The following COL4A1 variants were observed in gnomAD, a reference collection of about 807,000 sequenced individuals.
COL4A1 encodes collagen alpha-1(IV) chain.
A neutral mutation model predicts 216.6 loss-of-function variants in COL4A1; 40 were observed. The ratio of observed to expected loss-of-function variants is 0.18; its 90% CI spans 0.14 to 0.24. COL4A1 has a LOEUF of 0.24. Among genes scored for constraint, COL4A1 ranks in the 10% least tolerant of loss-of-function variants. COL4A1 has a pLI of 1.00. For missense variants in COL4A1, 1,628 were observed against 2,196.8 expected (o/e 0.74, Z 5.18); for synonymous variants, 839 against 810.7 (o/e 1.03, Z -0.59).
At chr13:110,196,074 A>C (rs1479043019) in intron 21 of COL4A1, among the ~76,000 whole-genome samples, 1 of 152,264 alleles carries the variant, frequency 6.6e-6, no homozygotes, top group Non-Finnish European at 1.5e-5. Flanking sequence ...AGAATGCCTA[A>C]AAAGATCCCA....
intron 50 of COL4A1, among the ~76,000 whole-genome samples, chr13:110,154,041 T>C (rs1213831277): frequency 2.0e-5 from 3 of 152,270 alleles, no homozygotes; most frequent in Non-Finnish European, 2.9e-5. Flanking sequence ...TTTTCTACAA[T>C]TGGAATAATT....
At chr13:110,203,948 A>C (rs1879367556) in intron 17 of COL4A1, among the ~76,000 whole-genome samples, 1 of 152,254 alleles carries the variant, frequency 6.6e-6, no homozygotes, top group African/African-American at 2.4e-5. Context: ...AGGGTTTTTC[A>C]ATTTTAAAAA....
chr13:110,154,883 T>G (rs1241923100), intron 50 of COL4A1, among the ~76,000 whole-genome samples: 1 of 152,244 alleles, frequency 6.6e-6, no homozygotes, highest in Non-Finnish European at 1.5e-5. Context: ...GCTGGTCATA[T>G]GAAGAAGCTG....
intron 33 of COL4A1, 98 bp downstream of exon 33, chr13:110,177,744 T>C: frequency 7.7e-7 from 1 of 1,295,184 alleles, no homozygotes; most frequent in South Asian, 1.2e-5. Flanking sequence ...TTTGTAGGCG[T>C]CTTAAAGGGA....
At chr13:110,150,846 T>C (rs1043945972) in intron 51 of COL4A1, among the ~76,000 whole-genome samples, 4 of 152,252 alleles carry the variant, frequency 2.6e-5, no homozygotes, top group African/African-American at 9.6e-5. Flanking sequence ...GAAGATATTA[T>C]TCTTCTCTGC....
At chr13:110,209,936 G>A (rs376810996) in intron 10 of COL4A1, 44 bp downstream of exon 10, 1 of 1,597,006 alleles carries the variant, frequency 6.3e-7, no homozygotes, top group African/African-American at 1.3e-5. Context: ...CAATATAGTT[G>A]TTTTTTAAAT....
In COL4A1 at chr13:110,179,294, G is replaced by T. The variant is rs1412116964; in HGVS notation, c.2321C>A (p.Pro774His). The change falls in exon 30 of 52, where the codon CCC becomes CAC. Residue 774 changes from proline to histidine, a missense_variant. Pro to His is a moderately conservative substitution (Grantham distance 77, BLOSUM62 -2). Transcript: ENST00000375820. ...ACCTCTGATCCCCTGAAGCCCAGGG[G>T]GTCCGATCGCTCCATGTTCTCCAGG... ...GVPGEHGAIG[P>H]PGLQGIRGEP... 2 of 1,614,038 alleles carry T rather than the reference G, an allele frequency of 1.2e-6. No individual in the cohort carries two copies. The highest frequency in any genetic ancestry group is 1.7e-6 in the Non-Finnish European group (2 of 1,180,018).
At chr13:110,222,291 GAGA>G (rs1880520980) in intron 2 of COL4A1, among the ~76,000 whole-genome samples, 2 of 152,140 alleles carry the variant, frequency 1.3e-5, no homozygotes, top group Non-Finnish European at 2.9e-5. Context: ...GAATGATCTG[GAGA>G]AAACCCAAAC....
chr13:110,193,689 G>A (rs1878748354), intron 22 of COL4A1, among the ~76,000 whole-genome samples: 1 of 152,242 alleles, frequency 6.6e-6, no homozygotes, highest in African/African-American at 2.4e-5. Flanking sequence ...CACTGCTATT[G>A]CCCACTCTGC....
chr13:110,166,048 C>T (rs1238671308), intron 45 of COL4A1, among the ~76,000 whole-genome samples, 184 bp downstream of exon 45: 2 of 152,178 alleles, frequency 1.3e-5, no homozygotes, highest in African/African-American at 4.8e-5. Flanking sequence ...TCAGACAAGT[C>T]GCTGGTTAAA....
chr13:110,160,180 C>T (rs911151083), intron 49 of COL4A1, among the ~76,000 whole-genome samples: 1 of 148,668 alleles, frequency 6.7e-6, no homozygotes, highest in African/African-American at 2.5e-5. Context: ...CGGTGGCTCA[C>T]GCCTGTAATC....
At chr13:110,155,856 G>A (rs1455810767) in intron 49 of COL4A1, among the ~76,000 whole-genome samples, 1 of 152,176 alleles carries the variant, frequency 6.6e-6, no homozygotes, top group East Asian at 1.9e-4. Context: ...AGGTTGCAGT[G>A]AGCCGAGATT....
chr13:110,256,945 C>A (rs1882605731), intron 1 of COL4A1, among the ~76,000 whole-genome samples: 1 of 152,102 alleles, frequency 6.6e-6, no homozygotes, highest in Non-Finnish European at 1.5e-5. Context: ...TTGTCAGACA[C>A]CAGACATGTC....
chr13:110,301,701 G>A (rs572214355), intron 1 of COL4A1, among the ~76,000 whole-genome samples: 5 of 152,204 alleles, frequency 3.3e-5, no homozygotes, highest in South Asian at 2.1e-4. Flanking sequence ...CGTGCTAGCC[G>A]AGGGAAGACG....
At chr13:110,219,905 T>TATATGTGTGTATATATATGTAC (rs1880375887) in intron 2 of COL4A1, among the ~76,000 whole-genome samples, 2 of 112,266 alleles carry the variant, frequency 1.8e-5, no homozygotes, top group Non-Finnish European at 1.8e-5. Context: ...TATATATGTA[T>TATATGTGTGTATATATATGTAC]ATATATGTGT....
In COL4A1 at chr13:110,255,578, CAGGCAGGCAGGAAGGGAAGG is replaced by C. The variant is rs1566420703; in HGVS notation, c.85-12864_85-12845del. 1.8e-3 allele frequency among the ~76,000 whole-genome samples: 20 copies of C among 11,074 alleles called. 2 individuals are homozygous for C. Among genetic ancestry groups the C allele is most frequent in the African/African-American group, 7.8e-3 (20 of 2,574 alleles). 7.3% of individuals were successfully genotyped at this position (11,074 alleles called of 152,430 possible). On this transcript the variant is annotated intron_variant, in intron 1 of 51. Transcript: ENST00000375820. ...AGGGGGCAGGCAGGAAGGGAGGGGG[CAGGCAGGCAGGAAGGGAAGG>C]GGGCAGGCAGGAAGGGAGGGGGCAG... is the stretch of plus-strand genomic sequence containing the variant.
rs765269741 is a variant in COL4A1, at chr13:110,152,386, C to T, written c.4876G>A (p.Ala1626Thr). 4.3e-6 allele frequency: 7 copies of T among 1,614,048 alleles called. No individual in the cohort carries two copies. Among genetic ancestry groups the T allele is most frequent in the African/African-American group, 2.7e-5 (2 of 74,908 alleles). ...CHGRGTCNYY[A>T]NAYSFWLATI... ...GCGAGCCAAAAGCTGTAAGCGTTTG[C>T]GTAGTAATTGCAGGTCCCACGGCCG... The change falls in exon 51 of 52, where the codon GCA (alanine) becomes ACA (threonine). Residue 1626 changes from alanine to threonine, a missense_variant. Ala to Thr is a moderately conservative substitution (Grantham distance 58, BLOSUM62 0). This residue lies in a region of COL4A1 where 254 missense variants were observed against 300.1 expected (regional missense o/e 0.85). Transcript: ENST00000375820.
intron 2 of COL4A1, among the ~76,000 whole-genome samples, chr13:110,216,279 T>C (rs890774250): frequency 6.6e-6 from 1 of 152,122 alleles, no homozygotes; most frequent in Admixed American, 6.5e-5. Context: ...CACCCTGCAG[T>C]GATGGCCCCA....
Position 110,152,360 on chromosome 13 carries a change from G to A in COL4A1, c.4902C>T (p.Ala1634=). The A allele has an allele frequency of 6.2e-7, 1 of 1,614,190 alleles. No homozygotes were observed. The highest frequency in any genetic ancestry group is 1.1e-5 in the South Asian group (1 of 91,084). ...TGAACATCTCGCTCCTCTCTATGGT[G>A]GCGAGCCAAAAGCTGTAAGCGTTTG... is the stretch of plus-strand genomic sequence containing the variant. ...YYANAYSFWL[A]TIERSEMFKK... The change falls in exon 51 of 52, where the codon GCC becomes GCT. Residue 1634 remains alanine (A), a synonymous_variant. Coordinates refer to ENST00000375820, the MANE Select transcript of COL4A1 (RefSeq NM_001845.6).
Sources: gnomAD v4.1 joint callset for allele counts (sites outside exome capture counted in the v4.1 genomes callset) on GRCh38, gnomAD v4.1.1 for gene constraint, gnomAD v4.1.1 regional missense constraint, MANE v1.5 for transcripts, NCBI Gene and HGNC (gene_info 2026-07-23, HGNC 2026-07-21) for gene names.